The following ZDHHC21 variants were observed in gnomAD, a reference collection of about 807,000 sequenced individuals.
ZDHHC21 encodes zDHHC palmitoyltransferase 21.
In ZDHHC21, 15 loss-of-function variants were observed where a neutral mutation model predicts 34.6. The ratio of observed to expected loss-of-function variants is 0.43; its 90% CI spans 0.29 to 0.67. ZDHHC21 has a LOEUF of 0.67. Ranked by LOEUF, ZDHHC21 falls within the 30% of genes least tolerant of loss-of-function variation. The probability of loss-of-function intolerance (pLI) is 0.14; values close to 1 mark genes in which losing one functional copy is unlikely to be tolerated. For synonymous variants in ZDHHC21, 142 were observed against 101.8 expected, an observed-to-expected ratio of 1.40 and a Z score of -2.38; for missense variants, 344 against 327.7, an observed-to-expected ratio of 1.05 and a Z score of -0.38.
intron 8 of ZDHHC21, among the ~76,000 whole-genome samples, chr9:14,624,656 G>A (rs1825898003): frequency 6.6e-6 from 1 of 152,024 alleles, no homozygotes; most frequent in Non-Finnish European, 1.5e-5. Context: ...GTAGAAAGAA[G>A]TGAAGGATGG....
intron 8 of ZDHHC21, among the ~76,000 whole-genome samples, chr9:14,633,752 C>T (rs1183914663): frequency 6.6e-6 from 1 of 152,174 alleles, no homozygotes; most frequent in Non-Finnish European, 1.5e-5. Flanking sequence ...CAATGTCAAA[C>T]CCCCACCCAC....
At chr9:14,592,715 T>C in the ZDHHC21 span, among the ~76,000 whole-genome samples, 1 of 152,158 alleles carries the variant, frequency 6.6e-6, no homozygotes, top group Admixed American at 6.5e-5. Flanking sequence ...TCAGAATACA[T>C]GTTCTTCTCA....
At chr9:14,645,162 A>AT (rs1286596413) in intron 7 of ZDHHC21, among the ~76,000 whole-genome samples, 1 of 152,108 alleles carries the variant, frequency 6.6e-6, no homozygotes, top group Non-Finnish European at 1.5e-5. Context: ...GAAAATGGGA[A>AT]TTTAAAAAAA....
chr9:14,654,919 A>G (rs1831913612), intron 7 of ZDHHC21, among the ~76,000 whole-genome samples: 1 of 152,028 alleles, frequency 6.6e-6, no homozygotes, highest in Non-Finnish European at 1.5e-5. Flanking sequence ...CTGCAGGAGA[A>G]AAAATTGAGC....
At position 14,618,973 on chromosome 9, in the gene ZDHHC21, T is replaced by C. The variant is rs1296254082; in HGVS notation, c.791A>G (p.His264Arg). 5.0e-6 allele frequency: 8 copies of C among 1,608,458 alleles called. 1 individual carries two copies. The Admixed American group carries it at 8.4e-5, about 17-fold the overall frequency. ...PLRVPYHFANHV is the reference protein window; with the variant it reads ...PLRVPYHFANRV ...TGCCCACCATCCATCTGTTTAGACA[T>C]GATTGGCAAAGTGGTAGGGAACTCG... is the stretch of plus-strand genomic sequence containing the variant. Residue 264 changes from histidine (H) to arginine (R), a missense_variant, in exon 10 of 10, where the codon CAT becomes CGT. Coordinates refer to ENST00000380916, the MANE Select transcript of ZDHHC21 (RefSeq NM_178566.6).
chr9:14,637,092 T>C (rs1160029769), intron 8 of ZDHHC21, among the ~76,000 whole-genome samples: 4 of 151,558 alleles, frequency 2.6e-5, no homozygotes, highest in South Asian at 4.1e-4. Flanking sequence ...AAAAAAAATA[T>C]GCAAAGAAGC....
At chr9:14,595,999 T>C in the ZDHHC21 span, among the ~76,000 whole-genome samples, 3 of 152,184 alleles carry the variant, frequency 2.0e-5, no homozygotes, top group African/African-American at 7.2e-5. Context: ...GGCATGATCA[T>C]GAAAAATTTG....
At chr9:14,656,356 T>G (rs1832207172) in intron 7 of ZDHHC21, among the ~76,000 whole-genome samples, 1 of 151,958 alleles carries the variant, frequency 6.6e-6, no homozygotes, top group South Asian at 2.1e-4. Context: ...TTTAAATTTG[T>G]CTGTCTTTTC....
Position 14,655,946 on chromosome 9 carries a change from A to G in ZDHHC21, c.504+2803T>C, listed in dbSNP as rs1044722593. Among the ~76,000 whole-genome samples the G allele has an allele frequency of 2.0e-5, 3 of 152,010 alleles. No homozygotes were observed. The South Asian group carries it at 6.2e-4, about 32-fold the overall frequency. On this transcript the variant is annotated intron_variant, in intron 7 of 9. Coordinates refer to ENST00000380916, the MANE Select transcript of ZDHHC21 (RefSeq NM_178566.6). ...AGGTTGAAAGTATTAAAGACAGAAA[A>G]AGATATACCATGAAAACACTAACTA...
At chr9:14,673,366 C>G (rs1202296937) in intron 4 of ZDHHC21, among the ~76,000 whole-genome samples, 1 of 151,940 alleles carries the variant, frequency 6.6e-6, no homozygotes, top group East Asian at 1.9e-4. Flanking sequence ...TCAACTGTCC[C>G]TTTTGATGGA....
At chr9:14,624,342 T>C (rs956499876) in intron 8 of ZDHHC21, among the ~76,000 whole-genome samples, 1 of 151,994 alleles carries the variant, frequency 6.6e-6, no homozygotes, top group Non-Finnish European at 1.5e-5. Context: ...AACTGTATAT[T>C]CAAAGGAATA....
At chr9:14,633,836 G>A (rs1586972759) in intron 8 of ZDHHC21, among the ~76,000 whole-genome samples, 1 of 152,278 alleles carries the variant, frequency 6.6e-6, no homozygotes, top group Middle Eastern at 3.4e-3. Context: ...GCTGCATACA[G>A]CTGCAGCCAC....
chr9:14,685,629 T>G (rs1179705869), intron 2 of ZDHHC21, among the ~76,000 whole-genome samples: 1 of 152,210 alleles, frequency 6.6e-6, no homozygotes, highest in African/African-American at 2.4e-5. Flanking sequence ...GTTCAACCAT[T>G]GTGGAAGACA....
At chr9:14,647,763 G>C (rs534725303) in intron 7 of ZDHHC21, among the ~76,000 whole-genome samples, 1 of 151,884 alleles carries the variant, frequency 6.6e-6, no homozygotes, top group Non-Finnish European at 1.5e-5. Context: ...ATTACCTTTC[G>C]TCTTTCCAAC....
At chr9:14,675,531 C>T (rs1836218525) in intron 3 of ZDHHC21, among the ~76,000 whole-genome samples, 1 of 151,760 alleles carries the variant, frequency 6.6e-6, no homozygotes. Context: ...GTCTAGGAAG[C>T]ACTGACCCAT....
intron 7 of ZDHHC21, among the ~76,000 whole-genome samples, chr9:14,647,091 C>T (rs1830388385): frequency 6.6e-6 from 1 of 152,028 alleles, no homozygotes; most frequent in Non-Finnish European, 1.5e-5. Context: ...GCAATAAACA[C>T]AGAAAAAGAA....
chr9:14,630,645 A>G lies in ZDHHC21; in HGVS notation c.621+9251T>C, dbSNP rs142763144. On this transcript the variant is annotated intron_variant, in intron 8 of 9. Transcript: ENST00000380916. ...TCACTGTCTACAGCAGCTATAGCCC[A>G]TGAAATGTATTTCTTAAATGGTAAG... 4.1e-3 allele frequency among the ~76,000 whole-genome samples: 631 copies of G among 152,346 alleles called. 7 individuals are homozygous for G. The highest frequency in any genetic ancestry group is 0.037 in the South Asian group (180 of 4,826).
chr9:14,606,472 C>T (rs1263565230), downstream of ZDHHC21, among the ~76,000 whole-genome samples: 1 of 152,128 alleles, frequency 6.6e-6, no homozygotes, highest in Non-Finnish European at 1.5e-5. Flanking sequence ...ATCAGGTATG[C>T]GAGTAAACGA....
intron 8 of ZDHHC21, among the ~76,000 whole-genome samples, chr9:14,627,744 T>C (rs1826544550): frequency 6.6e-6 from 1 of 152,164 alleles, no homozygotes; most frequent in Non-Finnish European, 1.5e-5. Context: ...TTACAGCACT[T>C]CTTGATTAAC....
Sources: gnomAD v4.1 joint callset for allele counts (sites outside exome capture counted in the v4.1 genomes callset) on GRCh38, gnomAD v4.1.1 for gene constraint, MANE v1.5 for transcripts, NCBI Gene and HGNC (gene_info 2026-07-23, HGNC 2026-07-21) for gene names.